The following LZTFL1 variants were observed in gnomAD, a reference collection of about 807,000 sequenced individuals.
LZTFL1 encodes the protein leucine zipper transcription factor-like protein 1.
LZTFL1 carries 25 observed loss-of-function variants against 45.9 expected under a neutral mutation model. The observed-to-expected ratio is 0.54, with a 90% CI of 0.40 to 0.76. The LOEUF is 0.76. LZTFL1 is among the 30% of genes least tolerant of loss of function. The pLI, the probability that LZTFL1 is intolerant of heterozygous loss-of-function variation, is 0.00. For missense variants in LZTFL1, 277 were observed against 331.1 expected (o/e 0.84, Z 1.27); for synonymous variants, 93 against 117.4 (o/e 0.79, Z 1.35).
At chr3:45,889,034 GC>G (rs1702065917) in intron 2 of LZTFL1, among the ~76,000 whole-genome samples, 1 of 152,224 alleles carries the variant, frequency 6.6e-6, no homozygotes, top group South Asian at 2.1e-4. Flanking sequence ...CACTCAGGCT[GC>G]AGTGCAGCAG....
chr3:45,833,973 G>A (rs191683281), intron 4 of LZTFL1, among the ~76,000 whole-genome samples: 85 of 152,318 alleles, frequency 5.6e-4, no homozygotes, highest in African/African-American at 2.0e-3. Context: ...AATCTTCTGA[G>A]TAGAGTATTT....
intron 4 of LZTFL1, among the ~76,000 whole-genome samples, chr3:45,833,681 G>C (rs1395202128): frequency 6.6e-6 from 1 of 152,186 alleles, no homozygotes; most frequent in East Asian, 1.9e-4. Flanking sequence ...AGGAATAACT[G>C]GAAAGTATTT....
chr3:45,855,050 A>C lies in LZTFL1; in HGVS notation c.-113T>G, dbSNP rs1415828303. The C allele has an allele frequency of 2.7e-5, 42 of 1,533,930 alleles. No individual in the cohort carries two copies. The highest frequency in any genetic ancestry group is 3.5e-5 in the Non-Finnish European group (40 of 1,145,452). ...GTCACCAAAGGGTGGGTAGGGTACA[A>C]CTTGATGGATTTTCTCTGCCTTCCC... On this transcript the variant is annotated 5_prime_UTR_variant, in exon 4 of 5. Coordinates refer to the LZTFL1 transcript ENST00000472635.
At chr3:45,912,803 C>T (rs1038893165) in intron 2 of LZTFL1, among the ~76,000 whole-genome samples, 1 of 152,134 alleles carries the variant, frequency 6.6e-6, no homozygotes, top group Non-Finnish European at 1.5e-5. Flanking sequence ...CCCCAGTCAA[C>T]CTGCATATTC....
At chr3:45,834,133 C>T in intron 4 of LZTFL1, 105 bp downstream of exon 4, 1 of 619,274 alleles carries the variant, frequency 1.6e-6, no homozygotes, top group Non-Finnish European at 2.8e-6. Flanking sequence ...GAATTGAATG[C>T]TTTTCCTTAA....
Position 45,900,024 on chromosome 3 carries a change from T to C in LZTFL1, c.-215+13096A>G, listed in dbSNP as rs1339498672. 6.6e-6 allele frequency among the ~76,000 whole-genome samples: 1 copy of C among 152,218 alleles called. No homozygotes were observed. Among genetic ancestry groups the C allele is most frequent in the East Asian group, 1.9e-4 (1 of 5,196 alleles). On this transcript the variant is annotated intron_variant, in intron 2 of 4. Coordinates refer to the LZTFL1 transcript ENST00000472635. The surrounding 1 kb of genome is among the most constrained non-coding windows in gnomAD (Gnocchi z 4.7). The stretch of plus-strand genomic sequence containing the variant: ...TGGCATGTTTGTGTACGAGAGCATG[T>C]GCAAGTGCATGTATTATGTGTATGC...
At chr3:45,883,561 T>G (rs1203795985) in intron 2 of LZTFL1, 1 of 272,448 alleles carries the variant, frequency 3.7e-6, no homozygotes, top group East Asian at 7.0e-5. Flanking sequence ...TCTTCCTTAT[T>G]GTGAGTTGAA....
rs1231589624 is a variant in LZTFL1, at chr3:45,902,084, A to C, written c.-215+11036T>G. On this transcript the variant is annotated intron_variant, in intron 2 of 4. Coordinates refer to the LZTFL1 transcript ENST00000472635. ...TATTTCAAAATCAACTGACTAGTGC[A>C]GGAGGCTGTTGATTGGCTCTTGACT... 4 of 577,812 alleles carry C rather than the reference A, an allele frequency of 6.9e-6. No individual in the cohort carries two copies. The Admixed American group carries it at 1.0e-4, about 15-fold the overall frequency. 35.8% of individuals were successfully genotyped at this position (577,812 alleles called of 1,614,324 possible).
intron 2 of LZTFL1, among the ~76,000 whole-genome samples, chr3:45,907,498 C>T (rs1257556749): frequency 2.0e-5 from 3 of 151,866 alleles, no homozygotes; most frequent in African/African-American, 7.2e-5. Context: ...ACCTCAAATA[C>T]ACATTTCAAG....
intron 2 of LZTFL1, among the ~76,000 whole-genome samples, chr3:45,889,099 C>T (rs904358850): frequency 1.1e-4 from 17 of 152,186 alleles, no homozygotes; most frequent in Admixed American, 1.0e-3. Context: ...GATTGTCCTG[C>T]GTCAGCCAGC....
chr3:45,879,750 C>A (rs902453300), intron 2 of LZTFL1, among the ~76,000 whole-genome samples: 1 of 152,098 alleles, frequency 6.6e-6, no homozygotes, highest in Non-Finnish European at 1.5e-5. Context: ...ACATGTGCTG[C>A]GGGAGCGGGT....
chr3:45,909,775 C>T (rs1702757343), intron 2 of LZTFL1, among the ~76,000 whole-genome samples: 1 of 152,200 alleles, frequency 6.6e-6, no homozygotes, highest in South Asian at 2.1e-4. Flanking sequence ...GGGGGGTAAT[C>T]TCCAGGTGGC....
chr3:45,888,045 T>C (rs1317377755), intron 2 of LZTFL1, among the ~76,000 whole-genome samples: 4 of 152,218 alleles, frequency 2.6e-5, no homozygotes, highest in African/African-American at 9.6e-5. Flanking sequence ...AATAACCCCA[T>C]GCTGATTTTC....
At chr3:45,855,609 A>C (rs1701380004) in intron 3 of LZTFL1, among the ~76,000 whole-genome samples, 2 of 152,208 alleles carry the variant, frequency 1.3e-5, no homozygotes, top group African/African-American at 4.8e-5. Context: ...AGAGGAAGTC[A>C]AACTGTCTCT....
At position 45,900,911 on chromosome 3, in the gene LZTFL1, CA is replaced by C; in HGVS notation, c.-215+12208del. On this transcript the variant is annotated intron_variant, in intron 2 of 4. Coordinates refer to the LZTFL1 transcript ENST00000472635. The surrounding 1 kb of genome is among the most constrained non-coding windows in gnomAD (Gnocchi z 4.7). ...TCACTGACTTCTACTGTGAGAAAAACAATGTCAGGCAGTTTGCGAGCCATTT... is the reference window on the plus strand; with the variant it reads ...TCACTGACTTCTACTGTGAGAAAAACATGTCAGGCAGTTTGCGAGCCATTT... 1 of 1,614,176 alleles carries C rather than the reference CA, an allele frequency of 6.2e-7. No homozygotes were observed. The highest frequency in any genetic ancestry group is 1.1e-5 in the South Asian group (1 of 91,086).
intron 4 of LZTFL1, among the ~76,000 whole-genome samples, chr3:45,852,656 G>C (rs1701326447): frequency 6.6e-6 from 1 of 152,218 alleles, no homozygotes; most frequent in African/African-American, 2.4e-5. Flanking sequence ...CAAAATGTGG[G>C]AAGAGGTGCT....
rs1702835280 is a variant in LZTFL1 at position 45,913,241 on chromosome 3, G to T, written c.-272-64C>A. The T allele has an allele frequency of 4.6e-6, 5 of 1,093,796 alleles. No individual in the cohort carries two copies. In the Admixed American group the frequency reaches 6.1e-5, roughly 13 times the overall value. 67.8% of individuals were successfully genotyped at this position (1,093,796 alleles called of 1,614,324 possible). On this transcript the variant is annotated intron_variant, in intron 1 of 4. Coordinates refer to the LZTFL1 transcript ENST00000472635. ...CTATTGTTACTATTAACAAACCAGTGCTGCAATGAGCTGATCTTTCTCTTG... is the reference window on the plus strand; with the variant it reads ...CTATTGTTACTATTAACAAACCAGTTCTGCAATGAGCTGATCTTTCTCTTG...
chr3:45,837,876 C>G (rs1450435022), intron 2 of LZTFL1, 51 bp downstream of exon 2: 2 of 1,537,382 alleles, frequency 1.3e-6, no homozygotes, highest in Non-Finnish European at 8.7e-7. Flanking sequence ...TACTGGCTAC[C>G]AGAAAGAATC....
At position 45,835,765 on chromosome 3, in the gene LZTFL1, T is replaced by C; in HGVS notation, c.148A>G (p.Thr50Ala). Reference protein sequence around the residue: ...KESRLVEDTFTIDEVSEVLNG... With the variant: ...KESRLVEDTFAIDEVSEVLNG... Reference sequence around the variant, plus strand: ...AGGACTTCAGAGACTTCATCTATGGTGAAGGTGTCCTCCACCAGCCTGAAA... The same window carrying C: ...AGGACTTCAGAGACTTCATCTATGGCGAAGGTGTCCTCCACCAGCCTGAAA... The change falls in exon 3 of 10, where the codon ACC becomes GCC. Residue 50 changes from threonine (T) to alanine (A), a missense_variant. Transcript: ENST00000296135. 1 of 1,611,326 alleles carries C rather than the reference T, an allele frequency of 6.2e-7. No homozygotes were observed. Among genetic ancestry groups the C allele is most frequent in the Non-Finnish European group, 8.5e-7 (1 of 1,178,328 alleles).
Sources: gnomAD v4.1 joint callset for allele counts (sites outside exome capture counted in the v4.1 genomes callset) on GRCh38, gnomAD v4.1.1 for gene constraint, Gnocchi (gnomAD v3.1) non-coding constraint, MANE v1.5 for transcripts, NCBI Gene and HGNC (gene_info 2026-07-23, HGNC 2026-07-21) for gene names.